SYNPO2: variants seen among roughly 807,000 people sequenced by gnomAD.
SYNPO2 encodes the protein synaptopodin 2.
SYNPO2 carries 56 observed loss-of-function variants against 85.0 expected under a neutral mutation model. That is an observed-to-expected ratio of 0.66 (90% CI 0.53 to 0.82). SYNPO2 has a LOEUF of 0.82. Ranked by LOEUF, SYNPO2 falls within the 40% of genes least tolerant of loss-of-function variation. The pLI, the probability that SYNPO2 is intolerant of heterozygous loss-of-function variation, is 0.00. For synonymous variants in SYNPO2, 602 were observed against 591.1 expected (o/e 1.02, Z -0.27); for missense variants, 1,575 against 1,534.2 (o/e 1.03, Z -0.44).
chr4:118,937,179 A>G (rs1374979293), intron 1 of SYNPO2, among the ~76,000 whole-genome samples: 1 of 152,192 alleles, frequency 6.6e-6, no homozygotes. Flanking sequence ...GAAATACAAA[A>G]TTCCTCATAA....
intron 1 of SYNPO2, among the ~76,000 whole-genome samples, chr4:118,875,993 G>A (rs1015702949): frequency 6.6e-6 from 1 of 152,142 alleles, no homozygotes; most frequent in African/African-American, 2.4e-5. Flanking sequence ...AATTGCTCAC[G>A]GCTACTCCAG....
chr4:119,041,200 C>G (rs1738705568), intron 4 of SYNPO2, among the ~76,000 whole-genome samples: 1 of 152,108 alleles, frequency 6.6e-6, no homozygotes, highest in South Asian at 2.1e-4. Flanking sequence ...TTATCTGAAT[C>G]CAGAATAGCT....
At chr4:119,029,430 C>T (rs1738117432) in intron 3 of SYNPO2, among the ~76,000 whole-genome samples, 1 of 152,084 alleles carries the variant, frequency 6.6e-6, no homozygotes, top group Admixed American at 6.6e-5. Flanking sequence ...TATATTGACA[C>T]TTTATTTTAA....
chr4:118,886,310 A>G (rs2149111750), upstream of SYNPO2, among the ~76,000 whole-genome samples: 1 of 152,272 alleles, frequency 6.6e-6, no homozygotes, highest in Non-Finnish European at 1.5e-5. Context: ...ACATAGGTAT[A>G]CATGTGCCAT....
intron 1 of SYNPO2, among the ~76,000 whole-genome samples, chr4:118,977,741 C>T (rs1463237050): frequency 1.3e-5 from 2 of 152,192 alleles, no homozygotes; most frequent in Non-Finnish European, 2.9e-5. Context: ...CAACTCTGCC[C>T]TATAGAAATT....
chr4:119,026,552 A>G, intron 2 of SYNPO2, 75 bp from the exon 3 acceptor site: 1 of 1,465,314 alleles, frequency 6.8e-7, no homozygotes, highest in Non-Finnish European at 9.2e-7. Context: ...TAGACATCAC[A>G]AAAGTGTCAG....
chr4:118,974,770 A>G (rs954864661), intron 1 of SYNPO2, among the ~76,000 whole-genome samples: 9 of 152,126 alleles, frequency 5.9e-5, no homozygotes, highest in African/African-American at 2.2e-4. Context: ...CTGCTTCTCT[A>G]CATACCCTAT....
Position 119,035,019 on chromosome 4 carries a change from C to T in SYNPO2, c.3252+2992C>T, listed in dbSNP as rs183027296. On this transcript the variant is annotated intron_variant, in intron 4 of 4. Transcript: ENST00000307142. ...GCATAATTTCTAGGCAGAGCATCCA[C>T]GAAGTCGGTTTTCATTGCCAGCTCA... The T allele has an allele frequency of 3.5e-4, 342 of 985,458 alleles. 1 individual carries two copies. The highest frequency in any genetic ancestry group is 2.4e-3 in the African/African-American group (139 of 57,366). 61.0% of individuals were successfully genotyped at this position (985,458 alleles called of 1,614,324 possible).
intron 1 of SYNPO2, among the ~76,000 whole-genome samples, chr4:118,890,733 C>CTGTGTGTG (rs112390582): frequency 4.8e-5 from 6 of 126,226 alleles, no homozygotes; most frequent in African/African-American, 1.2e-4. Flanking sequence ...CTCTCTCTCT[C>CTGTGTGTG]TGTGTGTGTG....
Position 118,954,442 on chromosome 4 carries a change from T to C in SYNPO2, c.105+65301T>C, listed in dbSNP as rs566267057. Reference sequence around the variant, plus strand: ...CTTTCATATGGGCTCAGCATTGCCATCTAGGGACTATGTAGGTCTCAAATG... The same window carrying C: ...CTTTCATATGGGCTCAGCATTGCCACCTAGGGACTATGTAGGTCTCAAATG... On this transcript the variant is annotated intron_variant, in intron 1 of 4. Coordinates refer to ENST00000307142, the MANE Select transcript of SYNPO2 (RefSeq NM_133477.3). 3.3e-5 allele frequency among the ~76,000 whole-genome samples: 5 copies of C among 152,264 alleles called. No individual in the cohort carries two copies. In the East Asian group the frequency reaches 9.6e-4, roughly 29 times the overall value.
At chr4:118,933,422 A>G (rs984700337) in intron 1 of SYNPO2, among the ~76,000 whole-genome samples, 2 of 152,210 alleles carry the variant, frequency 1.3e-5, no homozygotes, top group Admixed American at 1.3e-4. Flanking sequence ...CTGAGGGAAA[A>G]CATCAATACC....
intron 1 of SYNPO2, among the ~76,000 whole-genome samples, chr4:119,017,873 C>A (rs900556946): frequency 3.4e-4 from 52 of 152,200 alleles, no homozygotes; most frequent in African/African-American, 9.1e-4. Context: ...GCCATATACA[C>A]AACACAAAAT....
intron 1 of SYNPO2, among the ~76,000 whole-genome samples, chr4:118,890,842 C>T (rs1732353551): frequency 6.6e-6 from 1 of 151,928 alleles, no homozygotes. Context: ...CTCTGTCTTG[C>T]CCAAGTATTC....
intron 4 of SYNPO2, chr4:119,033,278 T>A (rs966730395): frequency 2.0e-6 from 2 of 985,314 alleles, no homozygotes; most frequent in Admixed American, 1.2e-4. Context: ...TTTTGACAAC[T>A]GCTTCTCCCA....
intron 4 of SYNPO2, among the ~76,000 whole-genome samples, chr4:119,050,830 A>G (rs1230457700): frequency 6.6e-6 from 1 of 152,228 alleles, no homozygotes; most frequent in African/African-American, 2.4e-5. Context: ...TTCCATATGC[A>G]GTATTAACTA....
At chr4:118,943,441 G>C (rs1734388371) in intron 1 of SYNPO2, among the ~76,000 whole-genome samples, 1 of 152,144 alleles carries the variant, frequency 6.6e-6, no homozygotes, top group Non-Finnish European at 1.5e-5. Context: ...ACAGTTAAAA[G>C]GTATGACTAA....
chr4:118,934,389 G>A (rs1472637905), intron 1 of SYNPO2, among the ~76,000 whole-genome samples: 1 of 152,114 alleles, frequency 6.6e-6, no homozygotes, highest in Non-Finnish European at 1.5e-5. Flanking sequence ...GTGGTTCTAA[G>A]ATGACTACCA....
chr4:118,927,873 G>GTGTT (rs1427694679), intron 1 of SYNPO2, among the ~76,000 whole-genome samples: 1 of 152,122 alleles, frequency 6.6e-6, no homozygotes, highest in Non-Finnish European at 1.5e-5. Flanking sequence ...CTGCCTGTAT[G>GTGTT]TGTTGTACTG....
rs140355913 is a variant in SYNPO2, at chr4:119,057,443, C to T, written c.3295C>T (p.Pro1099Ser). The change falls in exon 5 of 5, where the codon CCC (proline) becomes TCC (serine). Residue 1099 changes from proline to serine, a missense_variant. By Grantham distance (74) the Pro-to-Ser change is moderately conservative. This residue lies in a region of SYNPO2 where 1,508 missense variants were observed against 1,446.8 expected (regional missense o/e 1.04). Coordinates refer to ENST00000307142, the MANE Select transcript of SYNPO2 (RefSeq NM_133477.3). ...TTCTCTTCCTGGAAGATCAGTCCCA[C>T]CCCCCATTTCTACATCTCCTTGGGT... ...SLSLPGRSVP[P>S]PISTSPWVYQ... is the part of the protein sequence containing the mutation. The T allele has an allele frequency of 4.3e-6, 7 of 1,612,426 alleles. No individual in the cohort carries two copies. The African/African-American group carries it at 8.0e-5, about 18-fold the overall frequency.
Sources: gnomAD v4.1 joint callset for allele counts (sites outside exome capture counted in the v4.1 genomes callset) on GRCh38, gnomAD v4.1.1 for gene constraint, gnomAD v4.1.1 regional missense constraint, MANE v1.5 for transcripts, NCBI Gene and HGNC (gene_info 2026-07-23, HGNC 2026-07-21) for gene names.